KCNIP4: variants seen among roughly 807,000 people sequenced by gnomAD.
The protein encoded by KCNIP4 is potassium voltage-gated channel interacting protein 4.
A neutral mutation model predicts 34.0 loss-of-function variants in KCNIP4; 12 were observed. The ratio of observed to expected loss-of-function variants is 0.35; its 90% CI spans 0.23 to 0.57. The LOEUF is 0.57. Ranked by LOEUF, KCNIP4 falls within the 20% of genes least tolerant of loss-of-function variation. KCNIP4 has a pLI of 0.83. For synonymous variants in KCNIP4, 124 were observed against 102.2 expected, an observed-to-expected ratio of 1.21 and a Z score of -1.29; for missense variants, 238 against 311.7, an observed-to-expected ratio of 0.76 and a Z score of 1.78.
At chr4:21,348,245 A>G (rs1407163420) in intron 1 of KCNIP4, among the ~76,000 whole-genome samples, 1 of 152,194 alleles carries the variant, frequency 6.6e-6, no homozygotes, top group African/African-American at 2.4e-5. Flanking sequence ...ATATATTATT[A>G]TCAAGTCACT....
rs566196630 is a variant in KCNIP4, at chr4:21,098,640, A to AG, written c.62-215932dup. ...TGGGAACTACTGTTCAGAAAAAAAA[A>AG]GATTCTTTTCAAAATATTACTGCTT... On this transcript the variant is annotated intron_variant, in intron 1 of 8. Transcript: ENST00000382152. Among the ~76,000 whole-genome samples, 522 of 152,294 alleles carry AG rather than the reference A, an allele frequency of 3.4e-3. 2 individuals are homozygous for AG. Among genetic ancestry groups the AG allele is most frequent in the African/African-American group, 0.012 (509 of 41,562 alleles).
chr4:21,493,001 A>G (rs1001877054), intron 1 of KCNIP4, among the ~76,000 whole-genome samples: 3 of 152,182 alleles, frequency 2.0e-5, no homozygotes, highest in Non-Finnish European at 2.9e-5. Context: ...AAATCTGGGC[A>G]GGAGAGGAGC....
At chr4:21,240,171 C>A (rs1577945318) in intron 1 of KCNIP4, among the ~76,000 whole-genome samples, 1 of 131,698 alleles carries the variant, frequency 7.6e-6, no homozygotes, top group Non-Finnish European at 1.5e-5. Context: ...GGGAACTGAA[C>A]AATGAGAACA....
At chr4:21,630,664 C>T (rs1027229945) in intron 1 of KCNIP4, among the ~76,000 whole-genome samples, 3 of 152,040 alleles carry the variant, frequency 2.0e-5, no homozygotes, top group South Asian at 2.1e-4. Flanking sequence ...AACCTCTCTT[C>T]GCTGCAGATA....
intron 1 of KCNIP4, among the ~76,000 whole-genome samples, chr4:20,922,414 G>C (rs1054851242): frequency 3.3e-5 from 5 of 152,140 alleles, no homozygotes; most frequent in Non-Finnish European, 1.5e-5. Context: ...GTAGCGTCTG[G>C]TTCGTGGGCC....
chr4:21,256,886 T>G (rs779353892), intron 1 of KCNIP4, among the ~76,000 whole-genome samples: 13 of 152,090 alleles, frequency 8.5e-5, no homozygotes, highest in Non-Finnish European at 1.6e-4. Flanking sequence ...TGGTGTGAAA[T>G]GCTCAAATTT....
At chr4:21,008,263 C>T (rs1489692080) in intron 1 of KCNIP4, among the ~76,000 whole-genome samples, 1 of 152,154 alleles carries the variant, frequency 6.6e-6, no homozygotes, top group East Asian at 1.9e-4. Context: ...CAAACCGTCT[C>T]CCCATTCTGT....
At chr4:21,666,664 C>T (rs1293759507) in intron 1 of KCNIP4, among the ~76,000 whole-genome samples, 2 of 152,112 alleles carry the variant, frequency 1.3e-5, no homozygotes, top group African/African-American at 4.8e-5. Flanking sequence ...ATTAACAATA[C>T]TAATCTCTGT....
intron 1 of KCNIP4, among the ~76,000 whole-genome samples, chr4:21,210,539 T>A (rs1308675942): frequency 6.6e-6 from 1 of 152,208 alleles, no homozygotes; most frequent in African/African-American, 2.4e-5. Flanking sequence ...ATTTAAAAAA[T>A]CTTATAGCAG....
At chr4:21,793,009 A>T (rs1036552543) in intron 1 of KCNIP4, among the ~76,000 whole-genome samples, 10 of 152,204 alleles carry the variant, frequency 6.6e-5, no homozygotes, top group African/African-American at 2.4e-4. Context: ...CTACTGCCTT[A>T]GGTGTTTGGG....
chr4:21,327,866 T>A (rs1715249908), intron 1 of KCNIP4, among the ~76,000 whole-genome samples: 3 of 152,052 alleles, frequency 2.0e-5, no homozygotes, highest in Admixed American at 1.3e-4. Context: ...GTATGTCAAT[T>A]GCATTTTTCA....
intron 1 of KCNIP4, among the ~76,000 whole-genome samples, chr4:20,923,079 G>A (rs575599638): frequency 4.1e-4 from 63 of 152,262 alleles, no homozygotes; most frequent in African/African-American, 1.4e-3. Context: ...AAAGACTCCA[G>A]CAGTGTCACC....
At chr4:20,778,729 A>G (rs1028276075) in intron 3 of KCNIP4, among the ~76,000 whole-genome samples, 1 of 152,218 alleles carries the variant, frequency 6.6e-6, no homozygotes, top group African/African-American at 2.4e-5. Flanking sequence ...AATTTAAATG[A>G]CATGGTAGAG....
chr4:21,226,180 G>A (rs78691381), intron 1 of KCNIP4, among the ~76,000 whole-genome samples: 108 of 141,518 alleles, frequency 7.6e-4, no homozygotes, highest in Non-Finnish European at 1.3e-3. Context: ...GGGTGGCTGA[G>A]GCAAAGGGAT....
chr4:21,373,367 T>C (rs1720666539), intron 1 of KCNIP4, among the ~76,000 whole-genome samples: 1 of 147,154 alleles, frequency 6.8e-6, no homozygotes, highest in Admixed American at 6.6e-5. Context: ...AAAAAAATTT[T>C]AGTGAGATTT....
intron 1 of KCNIP4, among the ~76,000 whole-genome samples, chr4:21,455,944 T>C (rs1194254560): frequency 7.0e-6 from 1 of 142,702 alleles, no homozygotes; most frequent in Non-Finnish European, 1.5e-5. Flanking sequence ...ATTTAGTAAG[T>C]GGAAATCTTT....
intron 2 of KCNIP4, among the ~76,000 whole-genome samples, chr4:20,877,120 G>A (rs116113239): frequency 0.01 from 1,598 of 152,280 alleles, 27 homozygotes; most frequent in African/African-American, 0.037. Flanking sequence ...GTTTGGCCAC[G>A]GGTGAAGAGG....
intron 1 of KCNIP4, among the ~76,000 whole-genome samples, chr4:21,037,121 T>C (rs1217297268): frequency 6.6e-6 from 1 of 152,222 alleles, no homozygotes; most frequent in Non-Finnish European, 1.5e-5. Flanking sequence ...GTGTGGTTAT[T>C]ATGAAAGAGT....
At chr4:21,811,464 G>T (rs903371113) in intron 1 of KCNIP4, among the ~76,000 whole-genome samples, 1 of 152,166 alleles carries the variant, frequency 6.6e-6, no homozygotes, top group Non-Finnish European at 1.5e-5. Context: ...TGTTATCCAG[G>T]TGTTTTCAAT....
Sources: allele counts gnomAD v4.1 joint callset (sites outside exome capture counted in the v4.1 genomes callset), GRCh38; gene constraint gnomAD v4.1.1; transcripts MANE v1.5; gene names NCBI Gene and HGNC (gene_info 2026-07-23, HGNC 2026-07-21).